Variants in MFSD11 observed in about 807,000 individuals in gnomAD.
MFSD11 encodes the protein major facilitator superfamily domain containing 11, also known as UNC93-like protein MFSD11.
Under a neutral mutation model 53.5 loss-of-function variants are expected in MFSD11, and 36 were observed. The observed-to-expected ratio is 0.67, with a 90% CI of 0.52 to 0.89. MFSD11 has a LOEUF of 0.89. MFSD11 is among the 40% of genes least tolerant of loss of function. The pLI is 0.00. For missense variants in MFSD11, 530 were observed against 543.9 expected, an observed-to-expected ratio of 0.97 and a Z score of 0.25; for synonymous variants, 186 against 184.9, an observed-to-expected ratio of 1.01 and a Z score of -0.05.
Position 76,776,377 on chromosome 17 carries a change from C to T in MFSD11, c.1050-29C>T. 2.5e-6 allele frequency: 4 copies of T among 1,609,790 alleles called. No individual in the cohort carries two copies. The highest frequency in any genetic ancestry group is 1.1e-5 in the South Asian group (1 of 90,458). The stretch of plus-strand genomic sequence containing the variant: ...TTAAATGGCTCTAGCAGATATTGCT[C>T]ATACTAAATTGATTTTTATTTTCTT... On this transcript the variant is annotated intron_variant, in intron 11 of 12. Transcript: ENST00000685175. The surrounding 1 kb of genome is among the most constrained non-coding windows in gnomAD (Gnocchi z 4.2).
At chr17:76,784,598 AG>A (rs1230678042), downstream of MFSD11, among the ~76,000 whole-genome samples, 1 of 152,008 alleles carries the variant, frequency 6.6e-6, no homozygotes, top group African/African-American at 2.4e-5. Flanking sequence ...CAGCATTAAA[AG>A]ACAGTTATCC....
chr17:76,769,668 C>T (rs961444186), intron 9 of MFSD11, 78 bp from the exon 10 acceptor site: 31 of 1,136,772 alleles, frequency 2.7e-5, no homozygotes, highest in African/African-American at 3.2e-5. Context: ...AGTATTCTTT[C>T]GTCAGATACT....
chr17:76,786,626 C>T, the MFSD11 span, among the ~76,000 whole-genome samples: 1 of 152,192 alleles, frequency 6.6e-6, no homozygotes, highest in African/African-American at 2.4e-5. Context: ...AGAACACACT[C>T]TTACCCCAGC....
At chr17:76,786,648 A>G in the MFSD11 span, among the ~76,000 whole-genome samples, 1 of 152,360 alleles carries the variant, frequency 6.6e-6, no homozygotes, top group East Asian at 1.9e-4. Flanking sequence ...ACAAAGATGC[A>G]GAAACACAGG....
intron 7 of MFSD11, among the ~76,000 whole-genome samples, chr17:76,748,674 A>G (rs1369791099): frequency 1.3e-5 from 2 of 151,642 alleles, no homozygotes; most frequent in Non-Finnish European, 2.9e-5. Context: ...CAACAGAGCA[A>G]GACCCTGTCT....
chr17:76,739,863 G>A (rs932261649), intron 2 of MFSD11, among the ~76,000 whole-genome samples: 3 of 152,124 alleles, frequency 2.0e-5, no homozygotes, highest in Non-Finnish European at 2.9e-5. Context: ...TTGTCTTCAT[G>A]TGTATTCTAA....
At chr17:76,789,172 C>G in the MFSD11 span, among the ~76,000 whole-genome samples, 1 of 149,726 alleles carries the variant, frequency 6.7e-6, no homozygotes, top group Non-Finnish European at 1.5e-5. Flanking sequence ...AGTTTTAGAG[C>G]AGGAATGAAA....
At chr17:76,783,221 T>A (rs1037418716), downstream of MFSD11, among the ~76,000 whole-genome samples, 1 of 152,136 alleles carries the variant, frequency 6.6e-6, no homozygotes, top group Non-Finnish European at 1.5e-5. Context: ...TTATATATGC[T>A]GTTCAAAACT....
chr17:76,803,110 C>T, the MFSD11 span, among the ~76,000 whole-genome samples: 1 of 151,906 alleles, frequency 6.6e-6, no homozygotes, highest in Admixed American at 6.6e-5. Context: ...GAGGTGAGAT[C>T]GTGCCACTGC....
chr17:76,752,509 C>T (rs751209404), intron 7 of MFSD11, among the ~76,000 whole-genome samples: 6 of 151,402 alleles, frequency 4.0e-5, no homozygotes, highest in Non-Finnish European at 7.4e-5. Flanking sequence ...TCCTGAGTAG[C>T]TGGGATTACA....
chr17:76,738,867 G>T, intron 1 of MFSD11, 71 bp from the exon 2 acceptor site: 2 of 1,143,630 alleles, frequency 1.7e-6, no homozygotes, highest in South Asian at 2.5e-5. Flanking sequence ...TGAGTACTTG[G>T]AGTCACACTT....
intron 9 of MFSD11, among the ~76,000 whole-genome samples, chr17:76,768,589 T>C (rs796910435): frequency 4.6e-5 from 7 of 152,304 alleles, no homozygotes; most frequent in African/African-American, 1.4e-4. Context: ...TTTTTAATCT[T>C]TGGAATTTTC....
intron 7 of MFSD11, 54 bp downstream of exon 7, chr17:76,744,520 A>G (rs2078381304): frequency 5.3e-6 from 8 of 1,521,618 alleles, no homozygotes; most frequent in Non-Finnish European, 6.2e-6. Flanking sequence ...GAGTAGATCT[A>G]GTCTAGAGAT....
At chr17:76,790,426 C>T in the MFSD11 span, among the ~76,000 whole-genome samples, 1 of 147,316 alleles carries the variant, frequency 6.8e-6, no homozygotes, top group Non-Finnish European at 1.5e-5. Context: ...ACTGCAACCT[C>T]TGCCTCCTGG....
chr17:76,772,256 A>G (rs2081430762), intron 10 of MFSD11, among the ~76,000 whole-genome samples: 1 of 151,862 alleles, frequency 6.6e-6, no homozygotes, highest in African/African-American at 2.4e-5. Context: ...CCCCATCTCT[A>G]CAAAAAAAGT....
intron 9 of MFSD11, 105 bp downstream of exon 9, chr17:76,767,556 C>T (rs2080967500): frequency 1.4e-6 from 1 of 701,446 alleles, no homozygotes; most frequent in Non-Finnish European, 2.4e-6. Context: ...TGACTGGACT[C>T]AGTGAATGGT....
downstream of MFSD11, among the ~76,000 whole-genome samples, chr17:76,781,918 C>T (rs555040829): frequency 2.0e-5 from 3 of 151,912 alleles, no homozygotes; most frequent in African/African-American, 7.2e-5. Context: ...ACGTCTTGGG[C>T]TCAAGCAATA....
At chr17:76,802,665 G>T in the MFSD11 span, among the ~76,000 whole-genome samples, 1 of 152,126 alleles carries the variant, frequency 6.6e-6, no homozygotes, top group African/African-American at 2.4e-5. Flanking sequence ...AATCACTTAA[G>T]GTCAGGAGTT....
chr17:76,779,868 T>A (rs551185905), downstream of MFSD11, among the ~76,000 whole-genome samples: 1 of 152,250 alleles, frequency 6.6e-6, no homozygotes, highest in East Asian at 1.9e-4. Flanking sequence ...GGGAGGACTT[T>A]TGCTAGCAAT....
Sources: gnomAD v4.1 joint callset for allele counts (sites outside exome capture counted in the v4.1 genomes callset) on GRCh38, gnomAD v4.1.1 for gene constraint, Gnocchi (gnomAD v3.1) non-coding constraint, MANE v1.5 for transcripts, NCBI Gene and HGNC (gene_info 2026-07-23, HGNC 2026-07-21) for gene names.